DCAF6: variants seen among roughly 807,000 people sequenced by gnomAD.
DCAF6 encodes DDB1 and CUL4 associated factor 6.
A neutral mutation model predicts 125.1 loss-of-function variants in DCAF6; 54 were observed. The observed-to-expected ratio is 0.43, with a 90% confidence interval of 0.35 to 0.54. The LOEUF is 0.54. Ranked by LOEUF, DCAF6 falls within the 20% of genes least tolerant of loss-of-function variation. The pLI is 0.01. For synonymous variants in DCAF6, 371 were observed against 390.4 expected (o/e 0.95, Z 0.58); for missense variants, 934 against 1,161.7 (o/e 0.80, Z 2.85).
intron 10 of DCAF6, among the ~76,000 whole-genome samples, chr1:168,012,492 A>G (rs1684440652): frequency 6.6e-6 from 1 of 152,112 alleles, no homozygotes; most frequent in Admixed American, 6.5e-5. Context: ...TTCAATTTTC[A>G]GTTTGGGTCA....
the DCAF6 span, among the ~76,000 whole-genome samples, chr1:167,888,353 T>C: frequency 6.6e-6 from 1 of 152,208 alleles, no homozygotes; most frequent in Admixed American, 6.5e-5. Context: ...ATTGAATCTG[T>C]AGATTGCTTT....
the DCAF6 span, among the ~76,000 whole-genome samples, chr1:167,909,147 T>A: frequency 6.6e-6 from 1 of 152,240 alleles, no homozygotes; most frequent in African/African-American, 2.4e-5. Context: ...AAACTTTATA[T>A]AAATGAAATC....
At chr1:167,930,412 G>A in the DCAF6 span, among the ~76,000 whole-genome samples, 3 of 152,080 alleles carry the variant, frequency 2.0e-5, no homozygotes, top group Admixed American at 6.6e-5. Context: ...AGGCAAATGA[G>A]GCCCAGTAAA....
At chr1:167,893,435 CA>C in the DCAF6 span, among the ~76,000 whole-genome samples, 1 of 152,048 alleles carries the variant, frequency 6.6e-6, no homozygotes, top group Non-Finnish European at 1.5e-5. Context: ...TTTTTAGGCT[CA>C]GTGTGGTGGC....
chr1:167,925,457 A>G, the DCAF6 span, among the ~76,000 whole-genome samples: 1 of 113,568 alleles, frequency 8.8e-6, no homozygotes, highest in East Asian at 2.4e-4. Flanking sequence ...ATATATATAT[A>G]TATATATATA....
chr1:168,051,748 T>G (rs1689964122), intron 17 of DCAF6, among the ~76,000 whole-genome samples: 1 of 152,204 alleles, frequency 6.6e-6, no homozygotes, highest in South Asian at 2.1e-4. Flanking sequence ...GTCAGGAGGA[T>G]TCTCATCTAC....
the DCAF6 span, among the ~76,000 whole-genome samples, chr1:167,882,509 A>G: frequency 6.7e-6 from 1 of 148,232 alleles, no homozygotes; most frequent in South Asian, 2.1e-4. Context: ...AAAAAAGAAC[A>G]GAGCGAAAAC....
At chr1:167,975,850 C>T (rs1245508809) in intron 4 of DCAF6, among the ~76,000 whole-genome samples, 1 of 152,156 alleles carries the variant, frequency 6.6e-6, no homozygotes, top group Non-Finnish European at 1.5e-5. Flanking sequence ...ACTGTACTAG[C>T]CTCCAGAGTG....
chr1:167,983,895 T>A (rs1370580743), intron 4 of DCAF6, among the ~76,000 whole-genome samples: 2 of 152,154 alleles, frequency 1.3e-5, no homozygotes, highest in Admixed American at 6.6e-5. Context: ...AGGCAGCTTT[T>A]CCAGGGAACT....
chr1:167,883,959 A>T, the DCAF6 span, among the ~76,000 whole-genome samples: 12 of 152,188 alleles, frequency 7.9e-5, no homozygotes, highest in East Asian at 1.7e-3. Flanking sequence ...AAAATTTAAA[A>T]TTTTTTAATT....
Position 168,028,104 on chromosome 1 carries a change from A to G in DCAF6, c.1609+5057A>G, listed in dbSNP as rs146712248. ...ATAAGCACAGTAATGTCCATCATGCATCTTGTTTAGTTTCAACAGTATGTT... is the reference window on the plus strand; with the variant it reads ...ATAAGCACAGTAATGTCCATCATGCGTCTTGTTTAGTTTCAACAGTATGTT... On this transcript the variant is annotated intron_variant, in intron 12 of 21. Transcript: ENST00000367840. 8.2e-3 allele frequency among the ~76,000 whole-genome samples: 1,244 copies of G among 152,248 alleles called. 12 individuals are homozygous for G. The highest frequency in any genetic ancestry group is 0.027 in the African/African-American group (1,116 of 41,554).
At chr1:168,072,482 A>C (rs192707730) in intron 21 of DCAF6, among the ~76,000 whole-genome samples, 34 of 152,104 alleles carry the variant, frequency 2.2e-4, no homozygotes, top group African/African-American at 8.2e-4. Flanking sequence ...CTTATTACAG[A>C]TTAGAGGAGA....
intron 10 of DCAF6, among the ~76,000 whole-genome samples, chr1:168,009,005 TTTTC>T (rs1169742395): frequency 6.7e-6 from 1 of 149,614 alleles, no homozygotes; most frequent in East Asian, 2.0e-4. Flanking sequence ...CTTTCTTTCT[TTTTC>T]TTCTTTTTAG....
the DCAF6 span, among the ~76,000 whole-genome samples, chr1:167,864,157 G>A: frequency 6.6e-5 from 10 of 152,196 alleles, no homozygotes; most frequent in African/African-American, 2.2e-4. Context: ...TTTTGGTTTA[G>A]TGTAAACTGC....
chr1:167,987,676 T>TA (rs1206658965), intron 5 of DCAF6, 68 bp downstream of exon 5: 27 of 788,744 alleles, frequency 3.4e-5, no homozygotes, highest in Admixed American at 6.4e-5. Flanking sequence ...TGGTTATAAT[T>TA]AAAGTTATAA....
intron 12 of DCAF6, among the ~76,000 whole-genome samples, chr1:168,037,361 A>G (rs746564630): frequency 6.6e-6 from 1 of 152,170 alleles, no homozygotes; most frequent in Non-Finnish European, 1.5e-5. Context: ...TATTTTTAGT[A>G]TTAAATCAGT....
the DCAF6 span, among the ~76,000 whole-genome samples, chr1:167,864,674 G>A: frequency 6.6e-6 from 1 of 152,090 alleles, no homozygotes; most frequent in East Asian, 1.9e-4. Context: ...AAAAAATAGT[G>A]TACCCTATTC....
the DCAF6 span, among the ~76,000 whole-genome samples, chr1:167,888,882 AAAAAAAAAG>A: frequency 1.3e-5 from 2 of 151,196 alleles, no homozygotes; most frequent in South Asian, 4.2e-4. Context: ...TCTCAAAAAA[AAAAAAAAAG>A]AAAAAGAAAG....
At chr1:168,025,741 C>T (rs952116431) in intron 12 of DCAF6, among the ~76,000 whole-genome samples, 1 of 152,134 alleles carries the variant, frequency 6.6e-6, no homozygotes, top group Non-Finnish European at 1.5e-5. Context: ...TCCACTCAGG[C>T]TATAGTCTAT....
Sources: gnomAD v4.1 joint callset for allele counts (sites outside exome capture counted in the v4.1 genomes callset) on GRCh38, gnomAD v4.1.1 for gene constraint, MANE v1.5 for transcripts, NCBI Gene and HGNC (gene_info 2026-07-23, HGNC 2026-07-21) for gene names.